Variants in RYR2 observed in about 807,000 individuals in gnomAD.
RYR2 encodes the protein cardiac muscle ryanodine receptor-calcium release channel.
Under a neutral mutation model 601.1 loss-of-function variants are expected in RYR2, and 227 were observed. The observed-to-expected ratio is 0.38, with a 90% CI of 0.34 to 0.42. The LOEUF (loss-of-function observed/expected upper bound fraction) is 0.42, where lower values mean the gene tolerates loss of function less well. Ranked by LOEUF, RYR2 falls within the 10% of genes least tolerant of loss-of-function variation. RYR2 has a pLI of 1.00. For synonymous variants in RYR2, 2,223 were observed against 2,175.1 expected (o/e 1.02, Z -0.61); for missense variants, 4,646 against 6,156.5 (o/e 0.75, Z 8.21).
At chr1:237,693,083 C>G (rs928781498) in intron 63 of RYR2, among the ~76,000 whole-genome samples, 4 of 152,154 alleles carry the variant, frequency 2.6e-5, no homozygotes, top group African/African-American at 9.7e-5. Flanking sequence ...TACTATGAGA[C>G]AAGTGCTAAG....
At chr1:237,767,075 A>G (rs1413321085) in intron 84 of RYR2, among the ~76,000 whole-genome samples, 1 of 152,150 alleles carries the variant, frequency 6.6e-6, no homozygotes, top group African/African-American at 2.4e-5. Flanking sequence ...CGATTCTCCC[A>G]ACAGTCCTAT....
At chr1:237,444,082 C>A in intron 13 of RYR2, among the ~76,000 whole-genome samples, 1 of 152,240 alleles carries the variant, frequency 6.6e-6, no homozygotes, top group Non-Finnish European at 1.5e-5. Context: ...GAGTTGCACA[C>A]AGTATTGTAT....
chr1:237,627,880 G>A lies in RYR2; in HGVS notation c.6240G>A (p.Leu2080=), dbSNP rs1679849423. The change falls in exon 41 of 105, where the codon CTG becomes CTA. Residue 2080 remains leucine (L), a synonymous_variant. Transcript: ENST00000366574. ...AGTCTGTCATTGAAGACCCCGAGCTGGTGAGGGCCATGTTTGTGTTGCTCC... is the reference window on the plus strand; with the variant it reads ...AGTCTGTCATTGAAGACCCCGAGCTAGTGAGGGCCATGTTTGTGTTGCTCC... ...AQESVIEDPE[L]VRAMFVLLHR... 2 of 1,613,850 alleles carry A rather than the reference G, an allele frequency of 1.2e-6. No individual in the cohort carries two copies. The highest frequency in any genetic ancestry group is 1.7e-6 in the Non-Finnish European group (2 of 1,179,828).
chr1:237,648,931 C>A (rs1682441262), intron 49 of RYR2, among the ~76,000 whole-genome samples: 1 of 152,190 alleles, frequency 6.6e-6, no homozygotes, highest in Admixed American at 6.5e-5. Context: ...CTCCTGTTAA[C>A]CTCTGTTCAG....
chr1:237,449,523 A>C (rs1261320278), intron 14 of RYR2, among the ~76,000 whole-genome samples: 1 of 152,174 alleles, frequency 6.6e-6, no homozygotes, highest in East Asian at 1.9e-4. Flanking sequence ...TTAAATAACA[A>C]AAACATCTAT....
intron 1 of RYR2, among the ~76,000 whole-genome samples, chr1:237,258,350 T>A (rs911656675): frequency 1.3e-5 from 2 of 151,978 alleles, no homozygotes; most frequent in Admixed American, 1.3e-4. Context: ...AGAAGCTGAC[T>A]TCCTCTATGG....
intron 46 of RYR2, among the ~76,000 whole-genome samples, chr1:237,639,453 A>T (rs1392920446): frequency 2.6e-5 from 4 of 152,220 alleles, no homozygotes; most frequent in Non-Finnish European, 4.4e-5. Context: ...GATGCATCTT[A>T]TGAATTTTCC....
intron 97 of RYR2, among the ~76,000 whole-genome samples, chr1:237,800,288 C>G (rs183605556): frequency 1.1e-3 from 160 of 151,994 alleles, no homozygotes; most frequent in South Asian, 1.7e-3. Context: ...ATTTTTTCCC[C>G]CAACTCTTCC....
At chr1:237,525,326 A>T (rs971672733) in intron 24 of RYR2, among the ~76,000 whole-genome samples, 2 of 152,168 alleles carry the variant, frequency 1.3e-5, no homozygotes, top group Non-Finnish European at 2.9e-5. Context: ...ATAGTTTTCC[A>T]TGGTGTATAT....
At chr1:237,224,623 C>T (rs1045962829) in intron 1 of RYR2, among the ~76,000 whole-genome samples, 4 of 151,860 alleles carry the variant, frequency 2.6e-5, no homozygotes, top group African/African-American at 9.7e-5. Context: ...TGTGGGAGGC[C>T]GAGGCAGGAG....
chr1:237,517,543 AT>A (rs1212661410), intron 24 of RYR2, among the ~76,000 whole-genome samples: 1 of 152,136 alleles, frequency 6.6e-6, no homozygotes. Flanking sequence ...AAGTTTATGA[AT>A]TTGTGTTGGG....
chr1:237,824,288 G>A (rs1472503642), intron 101 of RYR2, among the ~76,000 whole-genome samples: 1 of 152,070 alleles, frequency 6.6e-6, no homozygotes, highest in Non-Finnish European at 1.5e-5. Flanking sequence ...ATAAATTACT[G>A]GCAAACCAAA....
chr1:237,330,090 T>C (rs1696561487), intron 2 of RYR2, among the ~76,000 whole-genome samples: 1 of 152,220 alleles, frequency 6.6e-6, no homozygotes, highest in Non-Finnish European at 1.5e-5. Flanking sequence ...TTCTGTTCTT[T>C]AATTTTTTTA....
In RYR2 at chr1:237,376,086, G is replaced by T. The variant is rs1701011313; in HGVS notation, c.464-1237G>T. 1.3e-5 allele frequency among the ~76,000 whole-genome samples: 2 copies of T among 152,040 alleles called. 1 individual carries two copies. The highest frequency in any genetic ancestry group is 4.1e-4 in the South Asian group (2 of 4,830). ...CTTCCTTCTTTTTTGATGTATCCCA[G>T]CTACTAAAGCAATGGTTAGCCAATA... is the stretch of plus-strand genomic sequence containing the variant. On this transcript the variant is annotated intron_variant, in intron 7 of 104. Coordinates refer to ENST00000366574, the MANE Select transcript of RYR2 (RefSeq NM_001035.3).
intron 26 of RYR2, among the ~76,000 whole-genome samples, chr1:237,550,061 A>AC (rs1320280956): frequency 6.6e-6 from 1 of 152,198 alleles, no homozygotes. Context: ...AACCCAATGC[A>AC]TATTTTTCAG....
chr1:237,219,219 T>G (rs1419767829), intron 1 of RYR2, among the ~76,000 whole-genome samples: 4 of 152,120 alleles, frequency 2.6e-5, no homozygotes, highest in African/African-American at 9.7e-5. Context: ...GGTTTCACCA[T>G]GTTGGCCAGG....
rs550240778 is a variant in RYR2 at position 237,132,014 on chromosome 1, G to A, written c.48+89445G>A. Among the ~76,000 whole-genome samples the A allele has an allele frequency of 5.3e-5, 8 of 152,272 alleles. No individual in the cohort carries two copies. In the South Asian group the frequency reaches 8.3e-4, roughly 16 times the overall value. ...GCTAGGATTATAAGCATGAGCCACC[G>A]TGTCTGGCCCAAGTATTCATAATCT... On this transcript the variant is annotated intron_variant, in intron 1 of 104. Coordinates refer to ENST00000366574, the MANE Select transcript of RYR2 (RefSeq NM_001035.3).
chr1:237,197,235 G>T (rs1328032982), intron 1 of RYR2, among the ~76,000 whole-genome samples: 2 of 151,966 alleles, frequency 1.3e-5, no homozygotes, highest in African/African-American at 4.8e-5. Context: ...TCGTTTCATT[G>T]CACTAGCTCA....
At chr1:237,803,415 C>G (rs568873816) in intron 98 of RYR2, among the ~76,000 whole-genome samples, 1 of 152,246 alleles carries the variant, frequency 6.6e-6, no homozygotes, top group Non-Finnish European at 1.5e-5. Flanking sequence ...ACCATTCTGC[C>G]TCAGCCTCCT....
Sources: gnomAD v4.1 joint callset for allele counts (sites outside exome capture counted in the v4.1 genomes callset) on GRCh38, gnomAD v4.1.1 for gene constraint, MANE v1.5 for transcripts, NCBI Gene and HGNC (gene_info 2026-07-23, HGNC 2026-07-21) for gene names.